The following PTPRG variants were observed in gnomAD, a reference collection of about 807,000 sequenced individuals.
PTPRG encodes the protein protein tyrosine phosphatase receptor type G.
PTPRG carries 102 observed loss-of-function variants against 165.3 expected under a neutral mutation model. The ratio of observed to expected loss-of-function variants is 0.62; its 90% CI spans 0.53 to 0.73. The LOEUF is 0.73. Among genes scored for constraint, PTPRG ranks in the 30% least tolerant of loss-of-function variants. The pLI, the probability that PTPRG is intolerant of heterozygous loss-of-function variation, is 0.00. For missense variants in PTPRG, 1,866 were observed against 1,861.4 expected, an observed-to-expected ratio of 1.00 and a Z score of -0.05; for synonymous variants, 675 against 669.5, an observed-to-expected ratio of 1.01 and a Z score of -0.13.
chr3:61,730,279 C>A (rs1298793039), intron 1 of PTPRG, among the ~76,000 whole-genome samples: 1 of 152,186 alleles, frequency 6.6e-6, no homozygotes, highest in Non-Finnish European at 1.5e-5. Flanking sequence ...GCCATGCAGA[C>A]CTTTATGGCT....
In PTPRG at chr3:62,240,730, C is replaced by T. The variant is rs57919178; in HGVS notation, c.2376-3077C>T. ...TGCTCTAAGGCTCTTCAACTAGCTG[C>T]TTGACCTGCCTAAAATGGTCTTCCT... is the stretch of plus-strand genomic sequence containing the variant. On this transcript the variant is annotated intron_variant, in intron 14 of 29. Transcript: ENST00000474889. This position sits in a 1 kb window ranked among gnomAD's most constrained non-coding sequence, Gnocchi z 5.1. Among the ~76,000 whole-genome samples, 9,003 of 152,272 alleles carry T rather than the reference C, an allele frequency of 0.059. 312 individuals are homozygous for T. Among genetic ancestry groups the T allele is most frequent in the Non-Finnish European group, 0.076 (5,177 of 68,024 alleles).
At chr3:61,572,782 A>T (rs1277379105) in intron 1 of PTPRG, among the ~76,000 whole-genome samples, 1 of 152,190 alleles carries the variant, frequency 6.6e-6, no homozygotes, top group Non-Finnish European at 1.5e-5. Context: ...GAAATTAAAT[A>T]GTGCTACCCC....
chr3:61,913,081 T>G (rs1453834776), intron 2 of PTPRG, among the ~76,000 whole-genome samples: 2 of 152,184 alleles, frequency 1.3e-5, no homozygotes, highest in East Asian at 3.9e-4. Flanking sequence ...AAACTTTAGA[T>G]TCAGGGGATA....
At chr3:62,133,907 C>T (rs374211035) in intron 6 of PTPRG, among the ~76,000 whole-genome samples, 25 of 152,016 alleles carry the variant, frequency 1.6e-4, no homozygotes, top group Admixed American at 1.2e-3. Context: ...CACTTGAATC[C>T]GGGAGGCGGA....
intron 2 of PTPRG, among the ~76,000 whole-genome samples, chr3:61,903,493 C>G (rs1323466804): frequency 2.6e-5 from 4 of 152,280 alleles, no homozygotes; most frequent in Admixed American, 6.5e-5. Flanking sequence ...CGTGTCTCAG[C>G]CTCCCAAGTA....
intron 2 of PTPRG, among the ~76,000 whole-genome samples, chr3:61,975,504 C>A (rs188603012): frequency 6.6e-6 from 1 of 152,152 alleles, no homozygotes; most frequent in African/African-American, 2.4e-5. Flanking sequence ...TTCTTCACTG[C>A]AAATCTCCCA....
At position 62,146,649 on chromosome 3, in the gene PTPRG, C is replaced by T. The variant is rs376461317; in HGVS notation, c.683-10418C>T. Among the ~76,000 whole-genome samples, 675 of 143,140 alleles carry T rather than the reference C, an allele frequency of 4.7e-3. 5 individuals carry two copies. Among genetic ancestry groups the T allele is most frequent in the African/African-American group, 0.016 (580 of 36,324 alleles). The allele number at this position is 143,140 out of a possible 152,430, so 93.9% of individuals were successfully genotyped here. ...TTGCTTTTAAAAAAAAAAAAAAATACGCCGCCCTCATATAGGAGTGCAGGG... is the reference window on the plus strand; with the variant it reads ...TTGCTTTTAAAAAAAAAAAAAAATATGCCGCCCTCATATAGGAGTGCAGGG... On this transcript the variant is annotated intron_variant, in intron 6 of 29. Transcript: ENST00000474889.
At chr3:62,074,891 G>T (rs1701333853) in intron 4 of PTPRG, among the ~76,000 whole-genome samples, 1 of 151,990 alleles carries the variant, frequency 6.6e-6, no homozygotes, top group South Asian at 2.1e-4. Flanking sequence ...TCCAGCCTCT[G>T]TCCAAACTTG....
rs139196867 is a variant in PTPRG, at chr3:62,103,316, A to G, written c.615+25058A>G. 1.5e-3 allele frequency among the ~76,000 whole-genome samples: 228 copies of G among 152,328 alleles called. 3 individuals are homozygous for G. The highest frequency in any genetic ancestry group is 0.011 in the South Asian group (55 of 4,828). The stretch of plus-strand genomic sequence containing the variant: ...TCTTAATAAAATATTGAAGGTCTTA[A>G]TGAAATACTCTCAACCCTCACCAGC... On this transcript the variant is annotated intron_variant, in intron 5 of 29. Coordinates refer to ENST00000474889, the MANE Select transcript of PTPRG (RefSeq NM_002841.4).
chr3:61,694,413 T>C (rs1479449742), intron 1 of PTPRG, among the ~76,000 whole-genome samples: 4 of 152,184 alleles, frequency 2.6e-5, no homozygotes, highest in African/African-American at 9.6e-5. Flanking sequence ...CAAACTGGTA[T>C]GGGTATGAAT....
intron 8 of PTPRG, among the ~76,000 whole-genome samples, chr3:62,184,474 C>G (rs1229411967): frequency 6.6e-6 from 1 of 152,176 alleles, no homozygotes; most frequent in Non-Finnish European, 1.5e-5. Context: ...CTCCCTGAGG[C>G]CATTTCTCTG....
At chr3:61,754,145 G>GT (rs1267795900) in intron 2 of PTPRG, among the ~76,000 whole-genome samples, 1 of 152,084 alleles carries the variant, frequency 6.6e-6, no homozygotes, top group Non-Finnish European at 1.5e-5. Flanking sequence ...AAAATTCCCC[G>GT]TAAGACATTT....
chr3:62,211,700 C>T (rs1004114888), intron 12 of PTPRG, among the ~76,000 whole-genome samples: 1 of 152,112 alleles, frequency 6.6e-6, no homozygotes, highest in Non-Finnish European at 1.5e-5. Flanking sequence ...TTCCCTACTC[C>T]TGATAGAGGC....
At chr3:62,276,043 A>G in intron 24 of PTPRG, 77 bp downstream of exon 24, 1 of 1,043,390 alleles carries the variant, frequency 9.6e-7, no homozygotes, top group Non-Finnish European at 1.4e-6. Context: ...CACTACTCTG[A>G]TGCTATTGAT....
At chr3:61,583,350 T>C (rs142642303) in intron 1 of PTPRG, among the ~76,000 whole-genome samples, 1 of 152,288 alleles carries the variant, frequency 6.6e-6, no homozygotes, top group Admixed American at 6.5e-5. Flanking sequence ...TAAACTATAG[T>C]GTCTCTGTGC....
At chr3:61,766,826 G>A (rs913569186) in intron 2 of PTPRG, among the ~76,000 whole-genome samples, 24 of 151,860 alleles carry the variant, frequency 1.6e-4, no homozygotes, top group African/African-American at 5.8e-4. Flanking sequence ...CACCATGTTG[G>A]CCAGGCTGGT....
In PTPRG at chr3:61,908,232, C is replaced by A. The variant is rs900316864; in HGVS notation, c.191-81393C>A. 5.3e-5 allele frequency among the ~76,000 whole-genome samples: 8 copies of A among 150,930 alleles called. No individual in the cohort carries two copies. The East Asian group carries it at 1.6e-3, about 29-fold the overall frequency. ...CTTGAGGTCAGGAGTTCGAGACCAGCCTGGCCAACACGGTGAAACCCTGTC... is the reference window on the plus strand; with the variant it reads ...CTTGAGGTCAGGAGTTCGAGACCAGACTGGCCAACACGGTGAAACCCTGTC... On this transcript the variant is annotated intron_variant, in intron 2 of 29. Coordinates refer to ENST00000474889, the MANE Select transcript of PTPRG (RefSeq NM_002841.4).
chr3:62,099,821 CAG>C (rs1381108245), intron 5 of PTPRG, among the ~76,000 whole-genome samples: 2 of 98,410 alleles, frequency 2.0e-5, no homozygotes, highest in African/African-American at 7.6e-5. Flanking sequence ...TTTTTTGAGG[CAG>C]AGTCTCACTC....
intron 2 of PTPRG, among the ~76,000 whole-genome samples, chr3:61,798,616 C>G (rs1246385060): frequency 9.2e-6 from 1 of 108,166 alleles, no homozygotes; most frequent in African/African-American, 3.7e-5. Context: ...GTTGTTGCTG[C>G]TGGTTTTTTT....
Sources: gnomAD v4.1 joint callset for allele counts (sites outside exome capture counted in the v4.1 genomes callset) on GRCh38, gnomAD v4.1.1 for gene constraint, Gnocchi (gnomAD v3.1) non-coding constraint, MANE v1.5 for transcripts, NCBI Gene and HGNC (gene_info 2026-07-23, HGNC 2026-07-21) for gene names.